NAPSA: variants seen among roughly 807,000 people sequenced by gnomAD.
NAPSA encodes the protein napsin-A.
Under a neutral mutation model 36.7 loss-of-function variants are expected in NAPSA, and 37 were observed. That is an observed-to-expected ratio of 1.01 (90% CI 0.78 to 1.33). The LOEUF is 1.33. NAPSA is among the 40% of genes most tolerant of loss of function. The pLI is 0.00. For missense variants in NAPSA, 532 were observed against 543.8 expected (o/e 0.98, Z 0.21); for synonymous variants, 222 against 234.5 (o/e 0.95, Z 0.49).
chr19:50,365,364 C>G (rs1386020862), intron 1 of NAPSA, among the ~76,000 whole-genome samples, 175 bp downstream of exon 1: 1 of 152,090 alleles, frequency 6.6e-6, no homozygotes, highest in Non-Finnish European at 1.5e-5. Context: ...TAAGAGATGT[C>G]AGAGTGGAGC....
rs557132953 is a variant in NAPSA, at chr19:50,358,580, C to G, written c.1236G>C (p.Glu412Asp). ...ACCCGGGGAACTGCGCCTGCGCAGT[C>G]TCTCCCCATCCGAGGTCCGCTCCGC... The part of the protein sequence containing the change: ...RTRGADLGWG[E>D]TAQAQFPG Residue 412 changes from glutamate to aspartate, a missense_variant, in exon 9 of 9, where the codon GAG becomes GAC. Glu to Asp is a conservative substitution (Grantham distance 45). Coordinates refer to ENST00000253719, the MANE Select transcript of NAPSA (RefSeq NM_004851.3). The G allele has an allele frequency of 6.2e-7, 1 of 1,608,600 alleles. No homozygotes were observed. Among genetic ancestry groups the G allele is most frequent in the African/African-American group, 1.3e-5 (1 of 74,924 alleles).
upstream of NAPSA, among the ~76,000 whole-genome samples, chr19:50,366,195 T>A (rs2037547750): frequency 6.6e-6 from 1 of 151,952 alleles, no homozygotes; most frequent in Non-Finnish European, 1.5e-5. Context: ...TTTGGTTTTT[T>A]TTTTTTTGAG....
Position 50,362,319 on chromosome 19 carries a change from G to A in NAPSA, c.84-6C>T. Reference sequence around the variant, plus strand: ...GGACTCGATGAAGAGGGATGCTGTAGGGAAAGAGGATATTGACAGGAAGCT... The same window carrying A: ...GGACTCGATGAAGAGGGATGCTGTAAGGAAAGAGGATATTGACAGGAAGCT... On this transcript the variant is annotated splice_polypyrimidine_tract_variant and splice_region_variant and intron_variant, in intron 1 of 8. Coordinates refer to ENST00000253719, the MANE Select transcript of NAPSA (RefSeq NM_004851.3). The A allele has an allele frequency of 1.3e-6, 2 of 1,592,760 alleles. No homozygotes were observed. Among genetic ancestry groups the A allele is most frequent in the East Asian group, 4.5e-5 (2 of 44,596 alleles).
At chr19:50,368,213 C>G (rs1458920572), upstream of NAPSA, among the ~76,000 whole-genome samples, 1 of 144,936 alleles carries the variant, frequency 6.9e-6, no homozygotes, top group Admixed American at 6.8e-5. Flanking sequence ...GGTGGGGGTG[C>G]GTTTGGGAGG....
chr19:50,361,771 G>A lies in NAPSA; in HGVS notation c.360C>T (p.His120=), dbSNP rs2037476839. 2 of 1,614,122 alleles carry A rather than the reference G, an allele frequency of 1.2e-6. No homozygotes were observed. Among genetic ancestry groups the A allele is most frequent in the Non-Finnish European group, 1.7e-6 (2 of 1,180,004 alleles). ...HFFSVPCWLH[H]RFDPKASSSF... ...AGCTAGAGGCTTTGGGATCAAATCGGTGGTGTAACCCTAGGTTAGAGGTCA... is the reference window on the plus strand; with the variant it reads ...AGCTAGAGGCTTTGGGATCAAATCGATGGTGTAACCCTAGGTTAGAGGTCA... Residue 120 remains histidine, a synonymous_variant, in exon 4 of 9, where the codon CAC becomes CAT. Coordinates refer to ENST00000253719, the MANE Select transcript of NAPSA (RefSeq NM_004851.3).
chr19:50,362,796 A>T (rs1159517034), intron 1 of NAPSA: 1 of 152,758 alleles, frequency 6.5e-6, no homozygotes, highest in Non-Finnish European at 1.5e-5. Flanking sequence ...CTGGGATTAC[A>T]GAGGAGAGCC....
At chr19:50,359,138 G>C (rs761639284) in intron 7 of NAPSA, 29 bp from the exon 8 acceptor site, 1 of 1,568,926 alleles carries the variant, frequency 6.4e-7, no homozygotes, top group Admixed American at 1.7e-5. Flanking sequence ...TAGTGAAGAT[G>C]AGAGATTCCT....
chr19:50,359,993 G>T, intron 5 of NAPSA, 131 bp from the exon 6 acceptor site: 2 of 1,235,378 alleles, frequency 1.6e-6, no homozygotes, highest in Non-Finnish European at 2.2e-6. Context: ...ATGGGATGCA[G>T]GAAGGGCCTA....
At chr19:50,368,740 T>G (rs2037579926), upstream of NAPSA, among the ~76,000 whole-genome samples, 1 of 152,140 alleles carries the variant, frequency 6.6e-6, no homozygotes, top group Admixed American at 6.6e-5. Context: ...AATTCCCAAT[T>G]GGCCACAAGG....
chr19:50,359,256 C>T (rs1601122884), intron 7 of NAPSA, 147 bp from the exon 8 acceptor site: 6 of 853,208 alleles, frequency 7.0e-6, no homozygotes, highest in South Asian at 3.3e-5. Context: ...CCTAGACTTA[C>T]GCAGTCCCAA....
rs753860742 is a variant in NAPSA at position 50,365,536 on chromosome 19, T to C, written c.83+3A>G. On this transcript the variant is annotated splice_donor_region_variant and intron_variant, in intron 1 of 8. Coordinates refer to ENST00000253719, the MANE Select transcript of NAPSA (RefSeq NM_004851.3). ...GTTGGGGTGGTAGATGGGGTCACCA[T>C]ACCGGATCAGTGTGGCCCCGGAAGG... 1.2e-6 allele frequency: 2 copies of C among 1,612,550 alleles called. No homozygotes were observed. The highest frequency in any genetic ancestry group is 1.7e-4 in the Middle Eastern group (1 of 5,952).
chr19:50,359,677 C>A (rs1568585490), intron 6 of NAPSA, 30 bp from the exon 7 acceptor site: 1 of 1,614,198 alleles, frequency 6.2e-7, no homozygotes, highest in Non-Finnish European at 8.5e-7. Flanking sequence ...TCATCAGAGG[C>A]AGGGTCCTAG....
Position 50,359,740 on chromosome 19 carries a change from C to T in NAPSA, c.791G>A (p.Arg264His), listed in dbSNP as rs749576537. The T allele has an allele frequency of 2.0e-5, 32 of 1,614,096 alleles. No individual in the cohort carries two copies. Among genetic ancestry groups the T allele is most frequent in the Admixed American group, 5.0e-5 (3 of 59,996 alleles). ...VPAYWQIHME[R>H]VKVGPGLTLC... Reference sequence around the variant, plus strand: ...AGAGCCAGGAGACCAAGTCCCTCACCGCTCCATGTGGATCTGCCAGTAGGC... The same window carrying T: ...AGAGCCAGGAGACCAAGTCCCTCACTGCTCCATGTGGATCTGCCAGTAGGC... Residue 264 changes from arginine to histidine, a missense_variant and splice_region_variant, in exon 6 of 9, where the codon CGT becomes CAT. This residue lies in a region of NAPSA where 385 missense variants were observed against 371.5 expected (regional missense o/e 1.04). Coordinates refer to ENST00000253719, the MANE Select transcript of NAPSA (RefSeq NM_004851.3).
At position 50,359,002 on chromosome 19, in the gene NAPSA, G is replaced by A; in HGVS notation, c.1035+9C>T. ...ACGTCACTATGGCGTCATGGTGATGGCCACCTACCTGGATGACGTAATCAT... is the reference window on the plus strand; with the variant it reads ...ACGTCACTATGGCGTCATGGTGATGACCACCTACCTGGATGACGTAATCAT... On this transcript the variant is annotated intron_variant, in intron 8 of 8. Transcript: ENST00000253719. The A allele has an allele frequency of 6.2e-7, 1 of 1,609,318 alleles. No homozygotes were observed. The highest frequency in any genetic ancestry group is 8.5e-7 in the Non-Finnish European group (1 of 1,175,814).
rs200649376 is a variant in NAPSA, at chr19:50,359,844, A to C, written c.687T>G (p.Asp229Glu). Residue 229 changes from aspartate (D) to glutamate (E), a missense_variant, in exon 6 of 9, where the codon GAT becomes GAG. Physicochemically the swap from Asp to Glu is conservative, Grantham distance 45. This residue lies in a region of NAPSA where 385 missense variants were observed against 371.5 expected (regional missense o/e 1.04). Coordinates refer to ENST00000253719, the MANE Select transcript of NAPSA (RefSeq NM_004851.3). ...AGCCCCCCAGGACCAGCTCTCCTCC[A>C]TCAGGCTCTTCAGGGTCCCTGCAGG... ...FYLNRDPEEP[D>E]GGELVLGGSD... The C allele has an allele frequency of 1.7e-5, 27 of 1,614,044 alleles. No homozygotes were observed. Among genetic ancestry groups the C allele is most frequent in the Non-Finnish European group, 1.4e-5 (17 of 1,180,006 alleles).
At position 50,359,122 on chromosome 19, in the gene NAPSA, A is replaced by T. The variant is rs764330354; in HGVS notation, c.937-13T>A. Reference sequence around the variant, plus strand: ...ACAGGATGATGTACTGGGGGAGAAGAGGAACTAGTGAAGATGAGAGATTCC... The same window carrying T: ...ACAGGATGATGTACTGGGGGAGAAGTGGAACTAGTGAAGATGAGAGATTCC... On this transcript the variant is annotated splice_polypyrimidine_tract_variant and intron_variant, in intron 7 of 8. Coordinates refer to ENST00000253719, the MANE Select transcript of NAPSA (RefSeq NM_004851.3). 1.9e-6 allele frequency: 3 copies of T among 1,600,278 alleles called. No homozygotes were observed. In the South Asian group the frequency reaches 3.3e-5, roughly 18 times the overall value.
intron 1 of NAPSA, 57 bp downstream of exon 1, chr19:50,365,482 A>C (rs1016118515): frequency 4.5e-6 from 7 of 1,543,960 alleles, no homozygotes; most frequent in Non-Finnish European, 6.2e-6. Context: ...CTAGACTTAA[A>C]GGGCAAGAGG....
intron 4 of NAPSA, 150 bp from the exon 5 acceptor site, chr19:50,361,290 C>T (rs769085474): frequency 2.0e-5 from 13 of 656,934 alleles, no homozygotes; most frequent in African/African-American, 3.6e-5. Flanking sequence ...TTGAGAAGCC[C>T]CACCCCTTCA....
At chr19:50,361,561 T>C (rs1328211235) in intron 4 of NAPSA, 102 bp downstream of exon 4, 7 of 996,164 alleles carry the variant, frequency 7.0e-6, no homozygotes, top group Admixed American at 1.8e-5. Flanking sequence ...GCCCCATCCA[T>C]TGGCTTGGGA....
Sources: allele counts gnomAD v4.1 joint callset (sites outside exome capture counted in the v4.1 genomes callset), GRCh38; gene constraint gnomAD v4.1.1; regional missense constraint gnomAD v4.1.1; transcripts MANE v1.5; gene names NCBI Gene and HGNC (gene_info 2026-07-23, HGNC 2026-07-21).